The following VTCN1 variants were observed in gnomAD, a reference collection of about 807,000 sequenced individuals.
VTCN1 encodes V-set domain-containing T-cell activation inhibitor 1.
VTCN1 carries 26 observed loss-of-function variants against 26.5 expected under a neutral mutation model. The ratio of observed to expected loss-of-function variants is 0.98; its 90% CI spans 0.72 to 1.36. The LOEUF (loss-of-function observed/expected upper bound fraction) is 1.36. Ranked by LOEUF, VTCN1 falls within the 40% of genes most tolerant of loss-of-function variation. VTCN1 has a pLI of 0.00. For missense variants in VTCN1, 298 were observed against 337.7 expected (o/e 0.88, Z 0.92); for synonymous variants, 116 against 130.7 (o/e 0.89, Z 0.77).
At chr1:117,172,289 G>A (rs1028125465) in intron 1 of VTCN1, 4 of 508,992 alleles carry the variant, frequency 7.9e-6, no homozygotes, top group Non-Finnish European at 1.6e-5. Flanking sequence ...CAGTTCCCCT[G>A]CCGGCCAAGC....
intron 1 of VTCN1, chr1:117,173,222 G>T: frequency 1.4e-6 from 1 of 714,568 alleles, no homozygotes; most frequent in South Asian, 1.5e-5. Context: ...AAGTCAGCAA[G>T]ACCATGAACC....
chr1:117,147,565 C>T lies in VTCN1; in HGVS notation c.*45+48G>A, dbSNP rs879204354. On this transcript the variant is annotated intron_variant, in intron 5 of 5. Coordinates refer to ENST00000369458, the MANE Select transcript of VTCN1 (RefSeq NM_024626.4). The surrounding 1 kb of genome is among the most constrained non-coding windows in gnomAD (Gnocchi z 4.6). Reference sequence around the variant, plus strand: ...GGCTATCCGACTCTCATTAGGAGCACAAGCACCCACAGAACCAATATCCCA... The same window carrying T: ...GGCTATCCGACTCTCATTAGGAGCATAAGCACCCACAGAACCAATATCCCA... The T allele has an allele frequency of 6.6e-7, 1 of 1,507,748 alleles. No homozygotes were observed. Among genetic ancestry groups the T allele is most frequent in the African/African-American group, 1.4e-5 (1 of 71,970 alleles). 93.4% of individuals were successfully genotyped at this position (1,507,748 alleles called of 1,614,324 possible). A position where few individuals can be genotyped will look rare whatever the true frequency, so the allele number is the denominator to read the frequency against.
At chr1:117,187,587 A>G (rs1648011539) in intron 1 of VTCN1, among the ~76,000 whole-genome samples, 1 of 152,176 alleles carries the variant, frequency 6.6e-6, no homozygotes, top group African/African-American at 2.4e-5. Flanking sequence ...TGTCCTCATT[A>G]TACCAGATAC....
intron 1 of VTCN1, among the ~76,000 whole-genome samples, chr1:117,206,627 G>A (rs1035551472): frequency 3.3e-5 from 5 of 151,494 alleles, no homozygotes; most frequent in Admixed American, 1.3e-4. Flanking sequence ...CTCAAGGAGC[G>A]AACCCTGGTG....
chr1:117,192,937 T>C (rs1384444148), intron 1 of VTCN1, among the ~76,000 whole-genome samples: 1 of 152,174 alleles, frequency 6.6e-6, no homozygotes, highest in African/African-American at 2.4e-5. Flanking sequence ...TCTACATCTG[T>C]GGATTCAACC....
At position 117,206,497 on chromosome 1, in the gene VTCN1, T is replaced by C. The variant is rs79325049; in HGVS notation, c.32+4327A>G. Among the ~76,000 whole-genome samples, 1,482 of 152,288 alleles carry C rather than the reference T, an allele frequency of 9.7e-3. 29 individuals are homozygous for C. The highest frequency in any genetic ancestry group is 0.034 in the African/African-American group (1,399 of 41,556). Reference sequence around the variant, plus strand: ...ACTATTATCTGCCCCATTTCATAGATAGGGCAATTGAAGCTCTTGGAGGGT... The same window carrying C: ...ACTATTATCTGCCCCATTTCATAGACAGGGCAATTGAAGCTCTTGGAGGGT... On this transcript the variant is annotated intron_variant, in intron 1 of 5. Transcript: ENST00000369458.
At position 117,192,144 on chromosome 1, in the gene VTCN1, G is replaced by C. The variant is rs1648277298; in HGVS notation, c.32+18680C>G. 2.0e-5 allele frequency among the ~76,000 whole-genome samples: 3 copies of C among 152,142 alleles called. No individual in the cohort carries two copies. In the South Asian group the frequency reaches 6.2e-4, roughly 32 times the overall value. On this transcript the variant is annotated intron_variant, in intron 1 of 5. Transcript: ENST00000369458. Reference sequence around the variant, plus strand: ...AGACAAAGACAGAATTTTGAAAGCAGCAGGAAAAAACAGGCTTGTCACATA... The same window carrying C: ...AGACAAAGACAGAATTTTGAAAGCACCAGGAAAAAACAGGCTTGTCACATA...
intron 1 of VTCN1, among the ~76,000 whole-genome samples, chr1:117,205,101 GTATGTA>G (rs1345809400): frequency 1.9e-4 from 23 of 123,666 alleles, no homozygotes; most frequent in African/African-American, 5.7e-4. Flanking sequence ...GTATGTATAT[GTATGTA>G]TATGTATATG....
chr1:117,187,596 A>G (rs965237779), intron 1 of VTCN1, among the ~76,000 whole-genome samples: 5 of 152,158 alleles, frequency 3.3e-5, no homozygotes, highest in Non-Finnish European at 5.9e-5. Context: ...TATACCAGAT[A>G]CATTGCTCTA....
intron 1 of VTCN1, among the ~76,000 whole-genome samples, chr1:117,181,401 GACCACCTTTAAATGC>G (rs1165013241): frequency 6.6e-6 from 1 of 152,220 alleles, no homozygotes; most frequent in East Asian, 1.9e-4. Context: ...TAGAATTTAA[GACCACCTTTAAATGC>G]ACCGAGCTAT....
At chr1:117,198,123 G>A (rs553091376) in intron 1 of VTCN1, among the ~76,000 whole-genome samples, 25 of 152,274 alleles carry the variant, frequency 1.6e-4, no homozygotes, top group African/African-American at 5.8e-4. Flanking sequence ...AAATTAACGT[G>A]TGCTATCATA....
chr1:117,202,707 G>A (rs1213079381), intron 1 of VTCN1, among the ~76,000 whole-genome samples: 1 of 152,208 alleles, frequency 6.6e-6, no homozygotes, highest in East Asian at 1.9e-4. Context: ...GCACAGAGAG[G>A]ATAACTAGAT....
intron 1 of VTCN1, among the ~76,000 whole-genome samples, chr1:117,191,550 A>C (rs1428184244): frequency 6.6e-6 from 1 of 152,206 alleles, no homozygotes; most frequent in Non-Finnish European, 1.5e-5. Flanking sequence ...TGGGAGGCCA[A>C]GGTGGGCAGA....
At chr1:117,176,612 C>G (rs1020491003) in intron 1 of VTCN1, among the ~76,000 whole-genome samples, 2 of 152,168 alleles carry the variant, frequency 1.3e-5, no homozygotes, top group Non-Finnish European at 2.9e-5. Flanking sequence ...TAGCTCCACT[C>G]GTGTGATTGA....
intron 1 of VTCN1, among the ~76,000 whole-genome samples, chr1:117,178,624 G>A (rs1195691119): frequency 3.2e-4 from 37 of 116,600 alleles, no homozygotes; most frequent in African/African-American, 1.2e-3. Flanking sequence ...GACAGGGCCC[G>A]GCTCTATTCC....
chr1:117,154,830 G>A (rs961892482), intron 3 of VTCN1, among the ~76,000 whole-genome samples: 10 of 149,578 alleles, frequency 6.7e-5, no homozygotes, highest in African/African-American at 2.5e-4. Context: ...AAGAAAAAAC[G>A]GAGAAACCGC....
rs966384691 is a variant in VTCN1 at position 117,183,917 on chromosome 1, G to A, written c.33-13746C>T. ...CATGAGTCCAGATCAGTAAGAGAGT[G>A]CTGGGCGCAATGGCTATGCATTCCA... On this transcript the variant is annotated intron_variant, in intron 1 of 5. Coordinates refer to ENST00000369458, the MANE Select transcript of VTCN1 (RefSeq NM_024626.4). The surrounding 1 kb of genome is among the most constrained non-coding windows in gnomAD (Gnocchi z 4.1). Among the ~76,000 whole-genome samples, 3 of 152,158 alleles carry A rather than the reference G, an allele frequency of 2.0e-5. No homozygotes were observed. Among genetic ancestry groups the A allele is most frequent in the Admixed American group, 2.0e-4 (3 of 15,278 alleles).
At chr1:117,192,955 T>C (rs903178310) in intron 1 of VTCN1, among the ~76,000 whole-genome samples, 20 of 152,262 alleles carry the variant, frequency 1.3e-4, no homozygotes, top group African/African-American at 4.6e-4. Flanking sequence ...ACCAACTATG[T>C]ATCAAATATT....
chr1:117,210,361 G>C (rs1211389150), intron 1 of VTCN1, among the ~76,000 whole-genome samples: 1 of 152,152 alleles, frequency 6.6e-6, no homozygotes, highest in Non-Finnish European at 1.5e-5. Flanking sequence ...CACACCCACA[G>C]AGAATGAAAG....
Sources: allele counts gnomAD v4.1 joint callset (sites outside exome capture counted in the v4.1 genomes callset), GRCh38; gene constraint gnomAD v4.1.1; non-coding constraint Gnocchi (gnomAD v3.1); transcripts MANE v1.5; gene names NCBI Gene and HGNC (gene_info 2026-07-23, HGNC 2026-07-21).